NABP2: variants seen among roughly 807,000 people sequenced by gnomAD.
The protein encoded by NABP2 is SOSS complex subunit B1.
NABP2 carries 7 observed loss-of-function variants against 22.7 expected under a neutral mutation model. The observed-to-expected ratio is 0.31, with a 90% CI of 0.18 to 0.58. NABP2 has a LOEUF of 0.58. NABP2 is among the 20% of genes least tolerant of loss of function. The probability of loss-of-function intolerance (pLI) is 0.89; values close to 1 mark genes in which losing one functional copy is unlikely to be tolerated. For missense variants in NABP2, 188 were observed against 265.9 expected (o/e 0.71, Z 2.04); for synonymous variants, 107 against 99.2 (o/e 1.08, Z -0.47).
chr12:56,224,343 C>T lies in NABP2; in HGVS notation c.-122C>T, dbSNP rs1869654682. On this transcript the variant is annotated 5_prime_UTR_variant, in exon 1 of 7. Transcript: ENST00000267023. ...CGGGGGAAACTTCCGGGAATGTCCG[C>T]ACTCCCGCGTTCCACGGGGCAGCAT... The T allele has an allele frequency of 1.0e-6, 1 of 987,454 alleles. No homozygotes were observed. Among genetic ancestry groups the T allele is most frequent in the African/African-American group, 1.7e-5 (1 of 57,278 alleles). 61.2% of individuals were successfully genotyped at this position (987,454 alleles called of 1,614,324 possible). A position where few individuals can be genotyped will look rare whatever the true frequency, so the allele number is the denominator to read the frequency against.
At chr12:56,228,550 C>T (rs1565594372) in intron 6 of NABP2, among the ~76,000 whole-genome samples, 1 of 152,028 alleles carries the variant, frequency 6.6e-6, no homozygotes, top group Non-Finnish European at 1.5e-5. Flanking sequence ...CCACACCTAG[C>T]TAATTTTTTG....
intron 6 of NABP2, among the ~76,000 whole-genome samples, chr12:56,227,900 ATCTTTT>A (rs1407619400): frequency 6.6e-6 from 1 of 152,216 alleles, no homozygotes. Context: ...ACGTGTAATA[ATCTTTT>A]CACTAGCTGG....
chr12:56,228,785 A>G (rs1411802179), intron 6 of NABP2, among the ~76,000 whole-genome samples: 2 of 152,140 alleles, frequency 1.3e-5, no homozygotes, highest in Non-Finnish European at 2.9e-5. Context: ...CAAGAGAAAA[A>G]TACCGTACCG....
upstream of NABP2, among the ~76,000 whole-genome samples, chr12:56,223,248 G>C (rs1869585855): frequency 6.6e-6 from 1 of 152,016 alleles, no homozygotes; most frequent in Admixed American, 6.6e-5. Context: ...TGCCGGGGTG[G>C]AGCGGTGGGG....
At chr12:56,226,732 A>ATTTTTT (rs10676452) in intron 6 of NABP2, among the ~76,000 whole-genome samples, 4 of 64,614 alleles carry the variant, frequency 6.2e-5, no homozygotes, top group African/African-American at 1.4e-4. Flanking sequence ...TGCCCGGCTA[A>ATTTTTT]TTTTTTTTTT....
At chr12:56,225,741 G>A (rs772416694) in intron 4 of NABP2, 46 bp downstream of exon 4, 52 of 1,600,380 alleles carry the variant, frequency 3.2e-5, no homozygotes, top group Non-Finnish European at 4.4e-5. Flanking sequence ...CCAGGGCAAA[G>A]GGGTTTGCAA....
chr12:56,223,423 G>T (rs1375560421), upstream of NABP2, among the ~76,000 whole-genome samples: 4 of 151,998 alleles, frequency 2.6e-5, no homozygotes, highest in Admixed American at 2.6e-4. Context: ...TTAGCCGAGG[G>T]TGGTAGTGCG....
At chr12:56,224,797 C>T in intron 1 of NABP2, 37 bp from the exon 2 acceptor site, 1 of 1,559,958 alleles carries the variant, frequency 6.4e-7, no homozygotes, top group East Asian at 2.2e-5. Context: ...GGCAAAGGAT[C>T]CAAGCATTGA....
At chr12:56,226,505 C>A (rs1002581621) in intron 6 of NABP2, 86 bp downstream of exon 6, 8 of 1,172,196 alleles carry the variant, frequency 6.8e-6, no homozygotes, top group Admixed American at 1.7e-5. Flanking sequence ...CATTCCTTTT[C>A]CAAATCTCTC....
intron 6 of NABP2, 138 bp downstream of exon 6, chr12:56,226,557 C>CATTT: frequency 3.7e-6 from 1 of 271,338 alleles, no homozygotes; most frequent in Non-Finnish European, 6.4e-6. Flanking sequence ...TCCCAGACCC[C>CATTT]TTTTTTTTTT....
intron 1 of NABP2, 120 bp downstream of exon 1, chr12:56,224,561 C>T: frequency 8.2e-7 from 1 of 1,222,326 alleles, no homozygotes; most frequent in Non-Finnish European, 1.0e-6. Context: ...GGTTCCCTAC[C>T]CCTGTCTACG....
Position 56,229,419 on chromosome 12 carries a change from C to T in NABP2, c.*206C>T, listed in dbSNP as rs996224348. On this transcript the variant is annotated 3_prime_UTR_variant, in exon 7 of 7. Coordinates refer to ENST00000267023, the MANE Select transcript of NABP2 (RefSeq NM_024068.4). ...TCCCCTGGGAGTCAGGACCCTCTGC[C>T]TGCTCTCTTTCCTCTTTAGAAATGG... 6 of 596,110 alleles carry T rather than the reference C, an allele frequency of 1.0e-5. No individual in the cohort carries two copies. The Admixed American group carries it at 1.2e-4, about 12-fold the overall frequency. 36.9% of individuals were successfully genotyped at this position (596,110 alleles called of 1,614,324 possible).
At chr12:56,224,146 T>C (rs1321023354), upstream of NABP2, among the ~76,000 whole-genome samples, 1 of 152,234 alleles carries the variant, frequency 6.6e-6, no homozygotes, top group Non-Finnish European at 1.5e-5. Flanking sequence ...CCTGTGCGCC[T>C]TCTAGTGGTG....
At chr12:56,225,777 A>C (rs1393750608) in intron 4 of NABP2, 82 bp downstream of exon 4, 1 of 1,364,550 alleles carries the variant, frequency 7.3e-7, no homozygotes, top group South Asian at 1.2e-5. Context: ...TGTGCAGTCC[A>C]AGCCTCATTT....
upstream of NABP2, chr12:56,224,337 T>G: frequency 1.0e-6 from 1 of 987,402 alleles, no homozygotes; most frequent in Non-Finnish European, 1.2e-6. Context: ...CTTCCGGGAA[T>G]GTCCGCACTC....
chr12:56,225,138 C>T (rs1869701465), intron 2 of NABP2, among the ~76,000 whole-genome samples: 1 of 152,026 alleles, frequency 6.6e-6, no homozygotes, highest in South Asian at 2.1e-4. Context: ...ACCTCCTGTG[C>T]GACGCGGGCC....
rs970593948 is a variant in NABP2, at chr12:56,229,500, C to T, written c.*287C>T. On this transcript the variant is annotated 3_prime_UTR_variant, in exon 7 of 7. Transcript: ENST00000267023. ...TTGTAATCCCAGCACTTTGGGAAGCCGAGGTGGGCGGATCACCTGAGGTCG... is the reference window on the plus strand; with the variant it reads ...TTGTAATCCCAGCACTTTGGGAAGCTGAGGTGGGCGGATCACCTGAGGTCG... 22 of 380,632 alleles carry T rather than the reference C, an allele frequency of 5.8e-5. No individual in the cohort carries two copies. Among genetic ancestry groups the T allele is most frequent in the African/African-American group, 2.7e-4 (13 of 48,294 alleles). 23.6% of individuals were successfully genotyped at this position (380,632 alleles called of 1,614,324 possible).
In NABP2 at chr12:56,226,160, C is replaced by T. The variant is rs1869750475; in HGVS notation, c.291-19C>T. On this transcript the variant is annotated intron_variant, in intron 4 of 6. Transcript: ENST00000267023. Reference sequence around the variant, plus strand: ...CCAGAGGATGAATTCAAGGCTTTAGCTACTTTCTTCCCTTGCAGATTCTGT... The same window carrying T: ...CCAGAGGATGAATTCAAGGCTTTAGTTACTTTCTTCCCTTGCAGATTCTGT... 1 of 1,612,738 alleles carries T rather than the reference C, an allele frequency of 6.2e-7. No individual in the cohort carries two copies. Among genetic ancestry groups the T allele is most frequent in the Non-Finnish European group, 8.5e-7 (1 of 1,178,784 alleles).
chr12:56,228,082 C>T (rs750691622), intron 6 of NABP2, among the ~76,000 whole-genome samples: 18 of 152,002 alleles, frequency 1.2e-4, no homozygotes, highest in Non-Finnish European at 2.4e-4. Context: ...ATCCCAGCTA[C>T]TCAGGAGGCT....
Sources: gnomAD v4.1 joint callset for allele counts (sites outside exome capture counted in the v4.1 genomes callset) on GRCh38, gnomAD v4.1.1 for gene constraint, MANE v1.5 for transcripts, NCBI Gene and HGNC (gene_info 2026-07-23, HGNC 2026-07-21) for gene names.